Variants in ARMCX4 observed in about 807,000 individuals in gnomAD.
ARMCX4 encodes the protein armadillo repeat-containing X-linked protein 4.
In ARMCX4, 3 loss-of-function variants were observed where a neutral mutation model predicts 34.7. The observed-to-expected ratio is 0.09, with a 90% confidence interval of 0.04 to 0.22. ARMCX4 has a LOEUF of 0.22. Among genes scored for constraint, ARMCX4 ranks in the 10% least tolerant of loss-of-function variants. The pLI, the probability that ARMCX4 is intolerant of heterozygous loss-of-function variation, is 1.00. For synonymous variants in ARMCX4, 513 were observed against 632.8 expected, an observed-to-expected ratio of 0.81 and a Z score of 2.84; for missense variants, 1,448 against 1,720.8, an observed-to-expected ratio of 0.84 and a Z score of 2.81.
chrX:101,438,482 G>A (rs1555995709), intron 2 of ARMCX4, among the ~76,000 whole-genome samples: 1 of 110,936 alleles, frequency 9.0e-6, no homozygotes, highest in East Asian at 2.8e-4. Flanking sequence ...GGAGAATGGC[G>A]TGAACCCGGG....
At chrX:101,433,041 C>CACACATATGTATACATACACGTGTATAT (rs1569315062) in intron 2 of ARMCX4, among the ~76,000 whole-genome samples, 41 of 67,327 alleles carry the variant, frequency 6.1e-4, no homozygotes, top group Admixed American at 8.4e-4. Flanking sequence ...CGTGTATATA[C>CACACATATGTATACATACACGTGTATAT]ACACATATGT....
At chrX:101,459,819 C>T (rs1353234701) in intron 4 of ARMCX4, among the ~76,000 whole-genome samples, 3 of 112,482 alleles carry the variant, frequency 2.7e-5, no homozygotes, top group East Asian at 2.8e-4. Flanking sequence ...GGGGATCTGT[C>T]ACCTCCACTG....
intron 4 of ARMCX4, among the ~76,000 whole-genome samples, chrX:101,454,008 G>A (rs1352570709): frequency 8.1e-5 from 9 of 110,526 alleles, no homozygotes; most frequent in African/African-American, 3.0e-4. Context: ...TAGAGATATA[G>A]CGTCGTTACC....
chrX:101,471,021 A>G (rs1932888428), intron 4 of ARMCX4, among the ~76,000 whole-genome samples: 2 of 112,036 alleles, frequency 1.8e-5, no homozygotes, highest in African/African-American at 6.5e-5. Flanking sequence ...ATTCTAGTGG[A>G]AGTGTGGTGG....
chrX:101,510,842 C>T (rs1239719364), intron 10 of ARMCX4, among the ~76,000 whole-genome samples: 1 of 111,268 alleles, frequency 9.0e-6, no homozygotes, highest in African/African-American at 3.3e-5. Flanking sequence ...GGAGTTCATG[C>T]CTTAGAATTT....
In ARMCX4 at chrX:101,473,002, C is replaced by T. The variant is rs1471378909; in HGVS notation, c.-472-13021C>T. Among the ~76,000 whole-genome samples the T allele has an allele frequency of 2.7e-5, 3 of 109,902 alleles. No homozygotes were observed. In the East Asian group the frequency reaches 8.6e-4, roughly 32 times the overall value. On this transcript the variant is annotated intron_variant and NMD_transcript_variant, in intron 4 of 15. Transcript: ENST00000433011. ...TGGACTAAATGCTCCAATTAAAAGACACAGACTGGCAAATTGGATAAAGAT... is the reference window on the plus strand; with the variant it reads ...TGGACTAAATGCTCCAATTAAAAGATACAGACTGGCAAATTGGATAAAGAT...
rs1556021390 is a variant in ARMCX4, at chrX:101,529,092, G to A, written c.*1781-2552G>A. On this transcript the variant is annotated intron_variant and NMD_transcript_variant, in intron 11 of 12. Transcript: ENST00000354842. ...TACCTGACTTCAAACTATACTACAA[G>A]GCTACAGTAACCAAAACAGCATGGT... Among the ~76,000 whole-genome samples the A allele has an allele frequency of 1.8e-5, 2 of 111,432 alleles. 1 individual carries two copies. Among genetic ancestry groups the A allele is most frequent in the South Asian group, 7.5e-4 (2 of 2,662 alleles).
chrX:101,457,305 T>C (rs899724924), intron 4 of ARMCX4, among the ~76,000 whole-genome samples: 2 of 112,470 alleles, frequency 1.8e-5, no homozygotes, highest in Non-Finnish European at 3.7e-5. Flanking sequence ...AAGAGGTACA[T>C]ACTATCTGAC....
intron 11 of ARMCX4, among the ~76,000 whole-genome samples, chrX:101,517,853 A>C (rs1246951852): frequency 3.6e-5 from 4 of 111,511 alleles, no homozygotes; most frequent in Non-Finnish European, 7.5e-5. Flanking sequence ...TTTGTAAAAA[A>C]AAACAAACAA....
At position 101,492,510 on chromosome X, in the gene ARMCX4, T is replaced by C. The variant is rs952948421; in HGVS notation, c.3921T>C (p.Thr1307=). 1.1e-5 allele frequency: 13 copies of C among 1,146,036 alleles called. No individual in the cohort carries two copies. In the African/African-American group the frequency reaches 2.4e-4, roughly 21 times the overall value. 94.4% of individuals were successfully genotyped at this position (1,146,036 alleles called of 1,213,427 possible). ...DQAGGGSWAG[T]SDQSGGGSKP... The stretch of plus-strand genomic sequence containing the variant: ...CCGGTGGAGGGTCCTGGGCTGGGAC[T>C]AGTGATCAATCTGGTGGTGGGTCCA... The change falls in exon 6 of 6, where the codon ACT becomes ACC. Residue 1307 remains threonine, a synonymous_variant. Coordinates refer to ENST00000423738, the MANE Select transcript of ARMCX4 (RefSeq NM_001256155.3).
intron 4 of ARMCX4, among the ~76,000 whole-genome samples, chrX:101,459,666 T>C (rs782710363): frequency 2.7e-5 from 3 of 112,197 alleles, no homozygotes; most frequent in Admixed American, 9.5e-5. Flanking sequence ...GAAAACACAA[T>C]TTTTTAAAAA....
At chrX:101,419,475 C>T (rs1037670941) in intron 2 of ARMCX4, among the ~76,000 whole-genome samples, 2 of 112,150 alleles carry the variant, frequency 1.8e-5, no homozygotes, top group African/African-American at 6.5e-5. Flanking sequence ...CAAAGAAGCT[C>T]TTAAAATGCC....
At chrX:101,497,921 C>A (rs1224613917), downstream of ARMCX4, among the ~76,000 whole-genome samples, 3 of 111,608 alleles carry the variant, frequency 2.7e-5, no homozygotes, top group African/African-American at 9.8e-5. Flanking sequence ...GAATGAAAAG[C>A]TTATTATTTT....
chrX:101,484,798 A>C (rs1315044716), upstream of ARMCX4, among the ~76,000 whole-genome samples: 1 of 112,412 alleles, frequency 8.9e-6, no homozygotes, highest in Non-Finnish European at 1.9e-5. Context: ...GTGGCACAAA[A>C]TAATGTAAAC....
At chrX:101,455,952 G>A (rs1263941265) in intron 4 of ARMCX4, among the ~76,000 whole-genome samples, 1 of 111,405 alleles carries the variant, frequency 9.0e-6, no homozygotes, top group East Asian at 2.8e-4. Flanking sequence ...TTAGGATTAT[G>A]GCCTCCAGCT....
At chrX:101,464,333 G>A (rs1334836980) in intron 4 of ARMCX4, among the ~76,000 whole-genome samples, 2 of 111,501 alleles carry the variant, frequency 1.8e-5, no homozygotes, top group South Asian at 3.8e-4. Flanking sequence ...CTGAGATAGC[G>A]CCATTGCATT....
chrX:101,493,087 G>T lies in ARMCX4; in HGVS notation c.4498G>T (p.Ala1500Ser). The T allele has an allele frequency of 8.7e-7, 1 of 1,154,804 alleles. No homozygotes were observed. Among genetic ancestry groups the T allele is most frequent in the Non-Finnish European group, 1.1e-6 (1 of 871,896 alleles). The stretch of plus-strand genomic sequence containing the variant: ...GGACCAGTCTAGTGGAGATTCCTGG[G>T]CTGGCACTGGGGACCAGGCCAGTGG... ...LRDQSSGDSW[A>S]GTGDQASGWF... Residue 1500 changes from alanine (A) to serine (S), a missense_variant, in exon 6 of 6, where the codon GCT becomes TCT. By Grantham distance (99) the Ala-to-Ser change is moderately conservative. Coordinates refer to ENST00000423738, the MANE Select transcript of ARMCX4 (RefSeq NM_001256155.3).
intron 8 of ARMCX4, among the ~76,000 whole-genome samples, chrX:101,508,142 T>A (rs1285821681): frequency 8.9e-6 from 1 of 112,371 alleles, no homozygotes; most frequent in African/African-American, 3.2e-5. Context: ...CATCTAGGTT[T>A]GTGTAAATAT....
At chrX:101,457,914 T>G (rs2147599981) in intron 4 of ARMCX4, among the ~76,000 whole-genome samples, 1 of 110,080 alleles carries the variant, frequency 9.1e-6, no homozygotes, top group Non-Finnish European at 1.9e-5. Flanking sequence ...GGCTATTTTT[T>G]GTATTTTAGT....
Sources: gnomAD v4.1 joint callset for allele counts (sites outside exome capture counted in the v4.1 genomes callset) on GRCh38, gnomAD v4.1.1 for gene constraint, MANE v1.5 for transcripts, NCBI Gene and HGNC (gene_info 2026-07-23, HGNC 2026-07-21) for gene names.